SLC35F3: variants seen among roughly 807,000 people sequenced by gnomAD.
The protein encoded by SLC35F3 is solute carrier family 35 member F3, also known as putative thiamine transporter SLC35F3.
SLC35F3 carries 25 observed loss-of-function variants against 49.9 expected under a neutral mutation model. That is an observed-to-expected ratio of 0.50 (90% CI 0.37 to 0.70). The LOEUF (loss-of-function observed/expected upper bound fraction) is 0.70, where lower values mean the gene tolerates loss of function less well. Among genes scored for constraint, SLC35F3 ranks in the 30% least tolerant of loss-of-function variants. The probability of loss-of-function intolerance (pLI) is 0.00; values close to 1 mark genes in which losing one functional copy is unlikely to be tolerated. For synonymous variants in SLC35F3, 275 were observed against 265.4 expected, an observed-to-expected ratio of 1.04 and a Z score of -0.35; for missense variants, 525 against 639.8, an observed-to-expected ratio of 0.82 and a Z score of 1.94.
chr1:234,105,841 T>C (rs1278258195), intron 2 of SLC35F3, among the ~76,000 whole-genome samples: 2 of 152,162 alleles, frequency 1.3e-5, no homozygotes, highest in East Asian at 1.9e-4. Flanking sequence ...ACCCAGCTAA[T>C]AAAACGTAAA....
Position 234,320,784 on chromosome 1 carries a change from G to T in SLC35F3, c.1237+597G>T, listed in dbSNP as rs766557628. Among the ~76,000 whole-genome samples the T allele has an allele frequency of 6.6e-6, 1 of 152,170 alleles. No homozygotes were observed. The highest frequency in any genetic ancestry group is 1.5e-5 in the Non-Finnish European group (1 of 68,032). On this transcript the variant is annotated intron_variant, in intron 7 of 7. Transcript: ENST00000366618. The surrounding 1 kb of genome is among the most constrained non-coding windows in gnomAD (Gnocchi z 4.8). Reference sequence around the variant, plus strand: ...TGGGGACTCGTTGCCAAGGCACACAGTTGACAGCTCTTTCAGAAGCTTGTC... The same window carrying T: ...TGGGGACTCGTTGCCAAGGCACACATTTGACAGCTCTTTCAGAAGCTTGTC...
chr1:233,976,919 A>G (rs1483284210), intron 2 of SLC35F3, among the ~76,000 whole-genome samples: 2 of 152,124 alleles, frequency 1.3e-5, no homozygotes, highest in Admixed American at 6.5e-5. Flanking sequence ...CTGGTACTCA[A>G]TTTTAAAGAG....
At chr1:234,056,144 A>C (rs1664454250) in intron 2 of SLC35F3, among the ~76,000 whole-genome samples, 1 of 151,978 alleles carries the variant, frequency 6.6e-6, no homozygotes. Context: ...TATTTTGCTC[A>C]AGATTCTAGA....
intron 2 of SLC35F3, among the ~76,000 whole-genome samples, chr1:234,123,567 G>C (rs904649009): frequency 7.1e-6 from 1 of 140,002 alleles, no homozygotes. Flanking sequence ...GTGCCACCAT[G>C]CCTGGTTAAT....
chr1:234,049,836 G>A (rs969927071), intron 2 of SLC35F3, among the ~76,000 whole-genome samples: 1 of 152,054 alleles, frequency 6.6e-6, no homozygotes, highest in African/African-American at 2.4e-5. Context: ...CCTTTCCTGT[G>A]TCCAAGTGTT....
intron 2 of SLC35F3, among the ~76,000 whole-genome samples, chr1:234,024,749 C>T (rs990031968): frequency 2.4e-4 from 36 of 152,292 alleles, no homozygotes; most frequent in African/African-American, 6.3e-4. Context: ...AACGAACCCT[C>T]GTGACCCCAT....
At chr1:233,999,402 T>A (rs9435491) in intron 2 of SLC35F3, among the ~76,000 whole-genome samples, 2 of 151,794 alleles carry the variant, frequency 1.3e-5, no homozygotes, top group Non-Finnish European at 2.9e-5. Context: ...AGCACCACTC[T>A]TATCCTATTT....
At chr1:233,976,637 G>A (rs563550406) in intron 2 of SLC35F3, among the ~76,000 whole-genome samples, 14 of 151,838 alleles carry the variant, frequency 9.2e-5, no homozygotes, top group African/African-American at 2.9e-4. Flanking sequence ...TTGAGATGGA[G>A]TTTCACTCTG....
At chr1:234,267,501 C>G (rs1405658382) in intron 3 of SLC35F3, among the ~76,000 whole-genome samples, 1 of 139,358 alleles carries the variant, frequency 7.2e-6, no homozygotes, top group African/African-American at 2.8e-5. Flanking sequence ...GCTGGCCGGG[C>G]GGGGGGCTGA....
chr1:234,224,264 G>A (rs1667253453), intron 2 of SLC35F3, among the ~76,000 whole-genome samples: 1 of 151,926 alleles, frequency 6.6e-6, no homozygotes, highest in Admixed American at 6.6e-5. Flanking sequence ...ATGGAGTTTC[G>A]CCATGTTGCC....
At chr1:234,189,455 C>A (rs1666699009) in intron 2 of SLC35F3, among the ~76,000 whole-genome samples, 1 of 147,940 alleles carries the variant, frequency 6.8e-6, no homozygotes, top group Non-Finnish European at 1.5e-5. Flanking sequence ...ATCAAACAAG[C>A]AGAAGAACGA....
intron 2 of SLC35F3, among the ~76,000 whole-genome samples, chr1:234,222,996 C>T (rs1472598577): frequency 6.6e-6 from 1 of 152,178 alleles, no homozygotes; most frequent in Non-Finnish European, 1.5e-5. Flanking sequence ...AACTGATGCC[C>T]TCAAGTTCAG....
chr1:234,131,391 T>TA (rs1462401852), intron 2 of SLC35F3, among the ~76,000 whole-genome samples: 2 of 152,318 alleles, frequency 1.3e-5, no homozygotes, highest in Admixed American at 1.3e-4. Flanking sequence ...GCTGTGGCCC[T>TA]ACCCAGCTTC....
intron 2 of SLC35F3, among the ~76,000 whole-genome samples, chr1:233,917,739 G>T (rs1405834801): frequency 1.3e-5 from 2 of 152,178 alleles, no homozygotes; most frequent in African/African-American, 4.8e-5. Flanking sequence ...CAAGTTCATA[G>T]AAATGATCTT....
chr1:234,053,414 T>G (rs1664407604), intron 2 of SLC35F3, among the ~76,000 whole-genome samples: 11 of 152,220 alleles, frequency 7.2e-5, no homozygotes, highest in Admixed American at 7.2e-4. Flanking sequence ...TCTTTTGAGC[T>G]TTGTTGGTTT....
chr1:234,183,758 C>T (rs1558253079), intron 2 of SLC35F3, among the ~76,000 whole-genome samples: 1 of 142,738 alleles, frequency 7.0e-6, no homozygotes. Flanking sequence ...TGTAAATGTT[C>T]GTATCTCATT....
intron 2 of SLC35F3, among the ~76,000 whole-genome samples, chr1:234,225,413 G>C (rs73110468): frequency 0.094 from 14,287 of 152,154 alleles, 1,280 homozygotes; most frequent in African/African-American, 0.24. Flanking sequence ...CAATAAATGG[G>C]AAAGTTTTCA....
chr1:234,248,867 C>T (rs1393513960), intron 3 of SLC35F3, among the ~76,000 whole-genome samples: 1 of 152,202 alleles, frequency 6.6e-6, no homozygotes, highest in Non-Finnish European at 1.5e-5. Context: ...TAGACCCCTA[C>T]TCAGAGTGAA....
chr1:234,231,748 G>A lies in SLC35F3; in HGVS notation c.608+7G>A, dbSNP rs773733542. Reference sequence around the variant, plus strand: ...CTGTGAAGCAGCGATACAGGTAGGCGCGTCCTGCATGAGGAGGCCTCCTGA... The same window carrying A: ...CTGTGAAGCAGCGATACAGGTAGGCACGTCCTGCATGAGGAGGCCTCCTGA... On this transcript the variant is annotated splice_region_variant and intron_variant, in intron 3 of 7. Coordinates refer to ENST00000366618, the MANE Select transcript of SLC35F3 (RefSeq NM_173508.4). The surrounding 1 kb of genome is among the most constrained non-coding windows in gnomAD (Gnocchi z 5.4). The A allele has an allele frequency of 1.3e-6, 2 of 1,589,922 alleles. No homozygotes were observed. The highest frequency in any genetic ancestry group is 1.7e-6 in the Non-Finnish European group (2 of 1,165,102).
Sources: gnomAD v4.1 joint callset for allele counts (sites outside exome capture counted in the v4.1 genomes callset) on GRCh38, gnomAD v4.1.1 for gene constraint, Gnocchi (gnomAD v3.1) non-coding constraint, MANE v1.5 for transcripts, NCBI Gene and HGNC (gene_info 2026-07-23, HGNC 2026-07-21) for gene names.